The following CMYA5 variants were observed in gnomAD, a reference collection of about 807,000 sequenced individuals.
CMYA5 encodes the protein cardiomyopathy-associated protein 5.
A neutral mutation model predicts 318.9 loss-of-function variants in CMYA5; 246 were observed. The observed-to-expected ratio is 0.77, with a 90% confidence interval of 0.70 to 0.86. The LOEUF is 0.86. CMYA5 is among the 40% of genes least tolerant of loss of function. The pLI is 0.00. For missense variants in CMYA5, 4,589 were observed against 4,678.2 expected (o/e 0.98, Z 0.56); for synonymous variants, 1,641 against 1,729.5 (o/e 0.95, Z 1.27).
intron 2 of CMYA5, among the ~76,000 whole-genome samples, chr5:79,742,251 G>A (rs73125643): frequency 0.063 from 9,406 of 150,332 alleles, 636 homozygotes; most frequent in African/African-American, 0.17. Flanking sequence ...GTGCAGCGGC[G>A]TGATCATCAT....
At chr5:79,761,290 C>T (rs1828647185) in intron 7 of CMYA5, among the ~76,000 whole-genome samples, 1 of 152,116 alleles carries the variant, frequency 6.6e-6, no homozygotes, top group Non-Finnish European at 1.5e-5. Flanking sequence ...GTGGAAATCC[C>T]TAGTGGAAAG....
chr5:79,723,374 G>A (rs1183223519), intron 1 of CMYA5, among the ~76,000 whole-genome samples: 1 of 149,326 alleles, frequency 6.7e-6, no homozygotes, highest in Non-Finnish European at 1.5e-5. Context: ...TGGAGGCAGA[G>A]ATTGCAGTGA....
intron 1 of CMYA5, among the ~76,000 whole-genome samples, chr5:79,701,294 A>G (rs1248570476): frequency 3.9e-5 from 6 of 152,138 alleles, no homozygotes; most frequent in Non-Finnish European, 8.8e-5. Context: ...TGTTTGATAG[A>G]TCAGTAGGGT....
chr5:79,778,345 T>C (rs1045906610), intron 9 of CMYA5, among the ~76,000 whole-genome samples: 7 of 152,254 alleles, frequency 4.6e-5, no homozygotes, highest in African/African-American at 1.7e-4. Flanking sequence ...GAACTGTCTC[T>C]ATAGAGGTTG....
chr5:79,692,383 T>C (rs1288952160), intron 1 of CMYA5, among the ~76,000 whole-genome samples: 1 of 93,038 alleles, frequency 1.1e-5, no homozygotes, highest in Non-Finnish European at 2.1e-5. Flanking sequence ...TCAGGTATGA[T>C]ATATATAATT....
intron 1 of CMYA5, among the ~76,000 whole-genome samples, chr5:79,696,548 A>G (rs1406119727): frequency 6.6e-6 from 1 of 152,234 alleles, no homozygotes; most frequent in African/African-American, 2.4e-5. Context: ...CTTGCTAAAT[A>G]GAAATTTACA....
At position 79,736,091 on chromosome 5, in the gene CMYA5, T is replaced by C. The variant is rs1828058960; in HGVS notation, c.7326T>C (p.Ser2442=). Residue 2442 remains serine (S), a synonymous_variant, in exon 2 of 13, where the codon TCT becomes TCC. Transcript: ENST00000446378. ...AAAATCCTACTTCCTTGAAAATTTCTGAAGAGGAAACAAAACTCAGGTCTG... is the reference window on the plus strand; with the variant it reads ...AAAATCCTACTTCCTTGAAAATTTCCGAAGAGGAAACAAAACTCAGGTCTG... ...EMQNPTSLKI[S]EEETKLRSVS... 1.2e-6 allele frequency: 2 copies of C among 1,612,628 alleles called. No individual in the cohort carries two copies. The highest frequency in any genetic ancestry group is 8.5e-7 in the Non-Finnish European group (1 of 1,179,604).
intron 1 of CMYA5, among the ~76,000 whole-genome samples, chr5:79,717,078 T>G (rs751241878): frequency 3.3e-5 from 5 of 152,188 alleles, no homozygotes; most frequent in Non-Finnish European, 7.4e-5. Context: ...AGCAAACCAC[T>G]CCTGTTAGCA....
intron 9 of CMYA5, among the ~76,000 whole-genome samples, chr5:79,774,672 A>T (rs1580800892): frequency 1.3e-5 from 2 of 152,260 alleles, no homozygotes; most frequent in East Asian, 3.9e-4. Context: ...CCTCCAGGGC[A>T]AGCATTTCCA....
intron 1 of CMYA5, among the ~76,000 whole-genome samples, chr5:79,704,240 C>T (rs1827226044): frequency 6.6e-6 from 1 of 151,348 alleles, no homozygotes; most frequent in Non-Finnish European, 1.5e-5. Flanking sequence ...TAAATAAAAA[C>T]TCTCTGTCAA....
At chr5:79,784,482 C>G (rs1259996533) in intron 9 of CMYA5, among the ~76,000 whole-genome samples, 2 of 78,544 alleles carry the variant, frequency 2.5e-5, no homozygotes, top group Non-Finnish European at 4.7e-5. Context: ...TTTACCTAAG[C>G]AAGCCTGGGC....
At chr5:79,785,259 T>C (rs531260236) in intron 9 of CMYA5, among the ~76,000 whole-genome samples, 2 of 152,270 alleles carry the variant, frequency 1.3e-5, no homozygotes, top group African/African-American at 2.4e-5. Context: ...TCCTGACTTT[T>C]TTTTTCTATT....
chr5:79,796,498 C>G (rs1829278220), intron 12 of CMYA5, among the ~76,000 whole-genome samples: 1 of 152,114 alleles, frequency 6.6e-6, no homozygotes, highest in African/African-American at 2.4e-5. Context: ...CTCCTGGGCT[C>G]AAGCAATCCT....
At chr5:79,788,144 T>TA (rs1266372421) in intron 9 of CMYA5, among the ~76,000 whole-genome samples, 2 of 152,136 alleles carry the variant, frequency 1.3e-5, no homozygotes, top group Admixed American at 1.3e-4. Context: ...GAACTTTCAT[T>TA]AGCAAGGAAT....
intron 9 of CMYA5, among the ~76,000 whole-genome samples, chr5:79,775,790 C>T (rs1318552116): frequency 6.6e-6 from 1 of 152,058 alleles, no homozygotes; most frequent in African/African-American, 2.4e-5. Context: ...AATGTGAAGC[C>T]ACCATTCTGG....
At chr5:79,720,428 A>ATTTTTT (rs1159659122) in intron 1 of CMYA5, among the ~76,000 whole-genome samples, 14 of 44,836 alleles carry the variant, frequency 3.1e-4, no homozygotes, top group African/African-American at 1.1e-3. Context: ...TGCCAATCTA[A>ATTTTTT]TTTTTTTTTT....
In CMYA5 at chr5:79,743,831, A is replaced by T. The variant is rs759596909; in HGVS notation, c.10643A>T (p.Gln3548Leu). 3.3e-6 allele frequency: 5 copies of T among 1,515,354 alleles called. No individual in the cohort carries two copies. In the South Asian group the frequency reaches 6.1e-5, roughly 19 times the overall value. 93.9% of individuals were successfully genotyped at this position (1,515,354 alleles called of 1,614,324 possible). Reference sequence around the variant, plus strand: ...TATCTTAATTCTTTTCTTCAGGTTCAATTAGCAGAATTTCTAGAAAATTTA... The same window carrying T: ...TATCTTAATTCTTTTCTTCAGGTTCTATTAGCAGAATTTCTAGAAAATTTA... ...LDTAISAVKV[Q>L]LAEFLENLQE... is the part of the protein sequence containing the mutation. The change falls in exon 3 of 13, where the codon CAA (glutamine) becomes CTA (leucine). Residue 3548 changes from glutamine (Q) to leucine (L), a missense_variant. Physicochemically the swap from Gln to Leu is moderately radical, Grantham distance 113. This residue lies in a region of CMYA5 where 2,431 missense variants were observed against 2,495.1 expected (regional missense o/e 0.97). Transcript: ENST00000446378.
rs1303642042 is a variant in CMYA5 at position 79,797,179 on chromosome 5, G to A, written c.11964-2191G>A. On this transcript the variant is annotated intron_variant, in intron 12 of 12. Coordinates refer to ENST00000446378, the MANE Select transcript of CMYA5 (RefSeq NM_153610.5). ...TTTGGTTCTTCTCTGCTGTCGGACT[G>A]TTCACCAACCATCCATTTATTCATT... 1.2e-4 allele frequency among the ~76,000 whole-genome samples: 18 copies of A among 152,110 alleles called. No homozygotes were observed. In the East Asian group the frequency reaches 3.5e-3, roughly 29 times the overall value.
Position 79,738,247 on chromosome 5 carries a change from A to C in CMYA5, c.9482A>C (p.Glu3161Ala). 6.2e-7 allele frequency: 1 copy of C among 1,613,784 alleles called. No individual in the cohort carries two copies. The highest frequency in any genetic ancestry group is 8.5e-7 in the Non-Finnish European group (1 of 1,179,834). ...KSPGMPLFEA[E>A]EGVLSRTQIF... ...CCGGGGATGCCTTTATTTGAAGCAGAGGAAGGAGTTCTATCACGAACCCAG... is the reference window on the plus strand; with the variant it reads ...CCGGGGATGCCTTTATTTGAAGCAGCGGAAGGAGTTCTATCACGAACCCAG... The change falls in exon 2 of 13, where the codon GAG (glutamate) becomes GCG (alanine). Residue 3161 changes from glutamate (E) to alanine (A), a missense_variant. Physicochemically the swap from Glu to Ala is moderately radical, Grantham distance 107. Coordinates refer to ENST00000446378, the MANE Select transcript of CMYA5 (RefSeq NM_153610.5).
Sources: gnomAD v4.1 joint callset for allele counts (sites outside exome capture counted in the v4.1 genomes callset) on GRCh38, gnomAD v4.1.1 for gene constraint, gnomAD v4.1.1 regional missense constraint, MANE v1.5 for transcripts, NCBI Gene and HGNC (gene_info 2026-07-23, HGNC 2026-07-21) for gene names.